Variants in GRM5 observed in about 807,000 individuals in gnomAD.
GRM5 encodes glutamate metabotropic receptor 5.
In GRM5, 19 loss-of-function variants were observed where a neutral mutation model predicts 83.1. That is an observed-to-expected ratio of 0.23 (90% confidence interval 0.16 to 0.34). The LOEUF (loss-of-function observed/expected upper bound fraction) is 0.34. GRM5 is among the 10% of genes least tolerant of loss of function. The probability of loss-of-function intolerance (pLI) is 1.00; values close to 1 mark genes in which losing one functional copy is unlikely to be tolerated. For synonymous variants in GRM5, 675 were observed against 633.6 expected (o/e 1.07, Z -0.98); for missense variants, 1,160 against 1,588.3 (o/e 0.73, Z 4.58).
intron 2 of GRM5, among the ~76,000 whole-genome samples, chr11:88,985,517 G>A (rs1046565405): frequency 7.3e-5 from 11 of 151,660 alleles, no homozygotes; most frequent in Middle Eastern, 3.2e-3. Context: ...TGTATGCTTC[G>A]GACTATGTTT....
At chr11:88,697,550 A>G (rs1247838591) in intron 3 of GRM5, among the ~76,000 whole-genome samples, 2 of 152,202 alleles carry the variant, frequency 1.3e-5, no homozygotes, top group Non-Finnish European at 2.9e-5. Flanking sequence ...TGCAGCCACA[A>G]GGTACACATT....
At chr11:88,652,470 T>C (rs1939657139) in intron 4 of GRM5, among the ~76,000 whole-genome samples, 1 of 152,172 alleles carries the variant, frequency 6.6e-6, no homozygotes, top group South Asian at 2.1e-4. Flanking sequence ...TTAGTTATCA[T>C]ATCACTTATA....
chr11:88,752,132 G>T (rs4753182), intron 3 of GRM5, among the ~76,000 whole-genome samples: 4 of 151,964 alleles, frequency 2.6e-5, no homozygotes, highest in Admixed American at 6.6e-5. Flanking sequence ...TAAATAAATG[G>T]TATTCAAATA....
chr11:88,550,493 C>T (rs1344398934), intron 8 of GRM5, among the ~76,000 whole-genome samples: 1 of 152,188 alleles, frequency 6.6e-6, no homozygotes, highest in Admixed American at 6.5e-5. Context: ...GTCAGCCCTG[C>T]TTGCATTATG....
intron 2 of GRM5, among the ~76,000 whole-genome samples, chr11:88,978,473 T>TAAAAAAAAAAAAAAAAAAAAAAA (rs1565317795): frequency 1.8e-5 from 1 of 56,818 alleles, no homozygotes; most frequent in African/African-American, 6.6e-5. Context: ...GCAGATGAGC[T>TAAAAAAAAAAAAAAAAAAAAAAA]TAAAAAAAAA....
At position 88,543,363 on chromosome 11, in the gene GRM5, A is replaced by G. The variant is rs112503511; in HGVS notation, c.2631-17959T>C. Among the ~76,000 whole-genome samples, 501 of 152,312 alleles carry G rather than the reference A, an allele frequency of 3.3e-3. 4 individuals carry two copies. Among genetic ancestry groups the G allele is most frequent in the African/African-American group, 8.3e-3 (344 of 41,574 alleles). Reference sequence around the variant, plus strand: ...GCAGGGTGCAGAATGTGTCATTGGAAGAAACAAATGGGTGCAAGCTGACTG... The same window carrying G: ...GCAGGGTGCAGAATGTGTCATTGGAGGAAACAAATGGGTGCAAGCTGACTG... On this transcript the variant is annotated intron_variant, in intron 8 of 9. Coordinates refer to ENST00000305447, the MANE Select transcript of GRM5 (RefSeq NM_001143831.3).
intron 2 of GRM5, among the ~76,000 whole-genome samples, chr11:88,863,800 C>T (rs1319969434): frequency 6.6e-6 from 1 of 151,798 alleles, no homozygotes; most frequent in Non-Finnish European, 1.5e-5. Flanking sequence ...AAAAATTTAA[C>T]ATTTCTCTTA....
At chr11:88,722,647 G>T (rs1941574544) in intron 3 of GRM5, among the ~76,000 whole-genome samples, 1 of 151,976 alleles carries the variant, frequency 6.6e-6, no homozygotes, top group African/African-American at 2.4e-5. Context: ...ATAACAAAAT[G>T]GTCTGTTTTG....
intron 2 of GRM5, among the ~76,000 whole-genome samples, chr11:88,928,907 T>TATATATACACACACAC (rs369951090): frequency 2.2e-4 from 30 of 138,762 alleles, no homozygotes; most frequent in Non-Finnish European, 3.1e-4. Flanking sequence ...TATGTGTATA[T>TATATATACACACACAC]ACACACACAC....
chr11:88,930,808 A>T (rs646811), intron 2 of GRM5, among the ~76,000 whole-genome samples: 71,134 of 151,874 alleles, frequency 0.47, 17,733 homozygotes, highest in African/African-American at 0.63. Flanking sequence ...CTTGGCCTCC[A>T]ACAGTGCTGG....
rs557600643 is a variant in GRM5 at position 88,698,160 on chromosome 11, C to T, written c.912-44757G>A. 2.6e-5 allele frequency among the ~76,000 whole-genome samples: 4 copies of T among 152,280 alleles called. No individual in the cohort carries two copies. In the East Asian group the frequency reaches 7.7e-4, roughly 29 times the overall value. Reference sequence around the variant, plus strand: ...AATGCAGATCTGATTATTAACTCCCCTGAATAAAAAGTGGTTTCCCATTTC... The same window carrying T: ...AATGCAGATCTGATTATTAACTCCCTTGAATAAAAAGTGGTTTCCCATTTC... On this transcript the variant is annotated intron_variant, in intron 3 of 9. Coordinates refer to ENST00000305447, the MANE Select transcript of GRM5 (RefSeq NM_001143831.3).
chr11:88,748,999 A>G (rs187063916), intron 3 of GRM5, among the ~76,000 whole-genome samples: 108 of 152,316 alleles, frequency 7.1e-4, no homozygotes, highest in Middle Eastern at 3.4e-3. Flanking sequence ...AAGAATCAAC[A>G]CAAAAATGCT....
intron 2 of GRM5, among the ~76,000 whole-genome samples, chr11:88,971,313 A>G (rs1443218103): frequency 1.3e-5 from 2 of 152,172 alleles, no homozygotes; most frequent in African/African-American, 4.8e-5. Context: ...GTTCACCGGC[A>G]CATGTGCGGG....
At chr11:88,794,921 A>G (rs1424925545) in intron 3 of GRM5, among the ~76,000 whole-genome samples, 1 of 152,228 alleles carries the variant, frequency 6.6e-6, no homozygotes, top group Non-Finnish European at 1.5e-5. Flanking sequence ...ATGGCTGTAA[A>G]GCCCAGAGAT....
intron 2 of GRM5, among the ~76,000 whole-genome samples, chr11:88,932,113 T>C (rs967687553): frequency 2.0e-5 from 3 of 152,200 alleles, no homozygotes; most frequent in Non-Finnish European, 4.4e-5. Flanking sequence ...TAGACCAGCA[T>C]GGGATTACTG....
intron 3 of GRM5, among the ~76,000 whole-genome samples, chr11:88,671,263 T>C (rs76993739): frequency 0.048 from 7,280 of 151,918 alleles, 368 homozygotes; most frequent in Admixed American, 0.15. Flanking sequence ...CCAGACAGAT[T>C]CCAACTCTGC....
intron 2 of GRM5, among the ~76,000 whole-genome samples, chr11:88,894,637 G>A (rs1325571949): frequency 6.7e-6 from 1 of 149,712 alleles, no homozygotes; most frequent in Non-Finnish European, 1.5e-5. Context: ...TGGCAGAATC[G>A]GTTTTATCTT....
At chr11:88,863,718 A>T (rs1331577506) in intron 2 of GRM5, among the ~76,000 whole-genome samples, 2 of 151,840 alleles carry the variant, frequency 1.3e-5, no homozygotes, top group South Asian at 4.1e-4. Flanking sequence ...TTTAACTTTT[A>T]TTTTTTTATA....
At chr11:88,750,806 AC>A in intron 3 of GRM5, among the ~76,000 whole-genome samples, 1 of 152,160 alleles carries the variant, frequency 6.6e-6, no homozygotes, top group Non-Finnish European at 1.5e-5. Flanking sequence ...AAATTGAACA[AC>A]CTCTTCCAGA....
Sources: gnomAD v4.1 joint callset for allele counts (sites outside exome capture counted in the v4.1 genomes callset) on GRCh38, gnomAD v4.1.1 for gene constraint, MANE v1.5 for transcripts, NCBI Gene and HGNC (gene_info 2026-07-23, HGNC 2026-07-21) for gene names.